Variants in TRIO observed in about 807,000 individuals in gnomAD.
The protein encoded by TRIO is trio Rho guanine nucleotide exchange factor, also known as triple functional domain protein.
In TRIO, 58 loss-of-function variants were observed where a neutral mutation model predicts 351.9. The observed-to-expected ratio is 0.16, with a 90% CI of 0.13 to 0.21. TRIO has a LOEUF of 0.21. Among genes scored for constraint, TRIO ranks in the 10% least tolerant of loss-of-function variants. The pLI is 1.00. For synonymous variants in TRIO, 1,758 were observed against 1,595.7 expected, an observed-to-expected ratio of 1.10 and a Z score of -2.42; for missense variants, 3,201 against 4,027.8, an observed-to-expected ratio of 0.79 and a Z score of 5.56.
intron 3 of TRIO, among the ~76,000 whole-genome samples, chr5:14,280,728 G>A (rs1488755210): frequency 2.0e-5 from 3 of 152,202 alleles, no homozygotes; most frequent in African/African-American, 7.2e-5. Context: ...CATTGTTGAT[G>A]ATTCTAATAC....
At chr5:14,331,018 A>G (rs1028655097) in intron 10 of TRIO, 118 bp downstream of exon 10, 4 of 1,448,598 alleles carry the variant, frequency 2.8e-6, no homozygotes, top group South Asian at 2.7e-5. Context: ...GACACCTCAG[A>G]TGAGGTAAAG....
chr5:14,385,765 A>G (rs767161516), intron 21 of TRIO, among the ~76,000 whole-genome samples: 7 of 152,214 alleles, frequency 4.6e-5, no homozygotes, highest in Non-Finnish European at 1.0e-4. Flanking sequence ...TTTAAAGTTC[A>G]TAGGTTAGCA....
chr5:14,494,716 T>C (rs1053623135), intron 49 of TRIO, among the ~76,000 whole-genome samples: 1 of 152,124 alleles, frequency 6.6e-6, no homozygotes, highest in African/African-American at 2.4e-5. Flanking sequence ...CTGACAAGTA[T>C]GGTGAAACCC....
At chr5:14,419,028 GGCCTAGGTGAGAGTGA>G (rs1749887454) in intron 33 of TRIO, among the ~76,000 whole-genome samples, 1 of 152,082 alleles carries the variant, frequency 6.6e-6, no homozygotes. Flanking sequence ...AGTTTCAGTA[GGCCTAGGTGAGAGTGA>G]GCATGGTAAA....
chr5:14,271,417 A>C (rs1051713581), intron 2 of TRIO, among the ~76,000 whole-genome samples: 6 of 152,190 alleles, frequency 3.9e-5, no homozygotes, highest in Non-Finnish European at 7.3e-5. Context: ...TGATTTTACC[A>C]GCTGAGTCTG....
At chr5:14,297,035 T>G in intron 6 of TRIO, 37 bp from the exon 7 acceptor site, 2 of 1,562,152 alleles carry the variant, frequency 1.3e-6, no homozygotes, top group Non-Finnish European at 1.7e-6. Context: ...CTATTTGCTC[T>G]CCCCTAAGGA....
At chr5:14,340,300 G>C (rs951608619) in intron 11 of TRIO, among the ~76,000 whole-genome samples, 2 of 151,934 alleles carry the variant, frequency 1.3e-5, no homozygotes, top group Admixed American at 1.3e-4. Context: ...GGGAGGCTGA[G>C]GCAGGAGAAT....
rs528968558 is a variant in TRIO at position 14,272,566 on chromosome 5, A to G, written c.232+1667A>G. 6.6e-5 allele frequency among the ~76,000 whole-genome samples: 10 copies of G among 152,352 alleles called. No homozygotes were observed. The South Asian group carries it at 2.1e-3, about 32-fold the overall frequency. ...TTTCAGAGTTTGTCTTAAATGTTTA[A>G]TAAATACTTAAATTCTGCAGGGTTA... On this transcript the variant is annotated intron_variant, in intron 2 of 56. Transcript: ENST00000344204.
In TRIO at chr5:14,397,151, G is replaced by A. The variant is rs774720729; in HGVS notation, c.4420G>A (p.Glu1474Lys). 3 of 1,602,592 alleles carry A rather than the reference G, an allele frequency of 1.9e-6. No homozygotes were observed. The highest frequency in any genetic ancestry group is 2.6e-6 in the Non-Finnish European group (3 of 1,175,390). The change falls in exon 29 of 57, where the codon GAA (glutamate) becomes AAA (lysine). Residue 1474 changes from glutamate (E) to lysine (K), a missense_variant. This residue lies in a region of TRIO where 115 missense variants were observed against 239.6 expected (regional missense o/e 0.48). Transcript: ENST00000344204. ...TGATGCCATGCACCTCAGCATGCTG[G>A]AAGGTAAAGGACCCTCCATACCCCA... ...ANDAMHLSMLEGFDENIESQG... is the reference protein window; with the variant it reads ...ANDAMHLSMLKGFDENIESQG...
chr5:14,416,126 CTT>C (rs1350158447), intron 33 of TRIO, among the ~76,000 whole-genome samples: 1 of 149,710 alleles, frequency 6.7e-6, no homozygotes, highest in Non-Finnish European at 1.5e-5. Flanking sequence ...AATGGTAACT[CTT>C]TCAACTGAGG....
intron 1 of TRIO, among the ~76,000 whole-genome samples, chr5:14,267,082 A>G (rs549307781): frequency 1.3e-5 from 2 of 152,354 alleles, no homozygotes; most frequent in South Asian, 2.1e-4. Context: ...TATGGGCTCT[A>G]TATAACTTAA....
intron 49 of TRIO, 145 bp from the exon 50 acceptor site, chr5:14,496,734 T>A: frequency 9.5e-7 from 1 of 1,050,908 alleles, no homozygotes; most frequent in Non-Finnish European, 1.3e-6. Context: ...GAACATTTTC[T>A]CTAACAGAGG....
intron 1 of TRIO, 87 bp downstream of exon 1, chr5:14,143,969 G>A (rs1787332227): frequency 1.0e-6 from 1 of 953,828 alleles, no homozygotes; most frequent in Non-Finnish European, 1.3e-6. Flanking sequence ...TCCGGCCACC[G>A]CGCGCTGGTG....
At chr5:14,502,810 G>A (rs564340172) in intron 54 of TRIO, among the ~76,000 whole-genome samples, 153 bp downstream of exon 54, 4 of 152,318 alleles carry the variant, frequency 2.6e-5, no homozygotes, top group Admixed American at 6.5e-5. Context: ...GCCTTTAGAC[G>A]CTAAACACTG....
intron 13 of TRIO, among the ~76,000 whole-genome samples, chr5:14,361,138 A>G (rs930760337): frequency 6.6e-6 from 1 of 152,166 alleles, no homozygotes; most frequent in African/African-American, 2.4e-5. Context: ...AACCAGAAGC[A>G]TTAGTTGCAG....
At chr5:14,287,973 A>C (rs1384026167) in intron 4 of TRIO, among the ~76,000 whole-genome samples, 1 of 152,186 alleles carries the variant, frequency 6.6e-6, no homozygotes, top group East Asian at 1.9e-4. Context: ...AAGTGTTTGC[A>C]CAGGTGTATT....
At chr5:14,332,894 C>A (rs112006082) in intron 10 of TRIO, among the ~76,000 whole-genome samples, 32 of 152,258 alleles carry the variant, frequency 2.1e-4, no homozygotes, top group Middle Eastern at 6.8e-3. Context: ...TAGAACAGTA[C>A]GATCATTCAG....
Position 14,487,358 on chromosome 5 carries a change from G to A in TRIO, c.6836-106G>A, listed in dbSNP as rs556988460. The A allele has an allele frequency of 1.5e-5, 16 of 1,060,464 alleles. No homozygotes were observed. In the African/African-American group the frequency reaches 2.2e-4, roughly 15 times the overall value. The allele number at this position is 1,060,464 out of a possible 1,614,324, so 65.7% of individuals were successfully genotyped here. A position where few individuals can be genotyped will look rare whatever the true frequency, so the allele number is the denominator to read the frequency against. ...GTGGGGTTGCTCTGCGCCCCTGCAC[G>A]GGGTCTGCCCCATGACCCATCCCAG... On this transcript the variant is annotated intron_variant, in intron 47 of 56. Coordinates refer to ENST00000344204, the MANE Select transcript of TRIO (RefSeq NM_007118.4).
At chr5:14,334,527 C>T (rs762154923) in intron 10 of TRIO, among the ~76,000 whole-genome samples, 2 of 152,232 alleles carry the variant, frequency 1.3e-5, no homozygotes, top group Admixed American at 1.3e-4. Context: ...TTGGGAGGCT[C>T]TGTCATCTTT....
Sources: allele counts gnomAD v4.1 joint callset (sites outside exome capture counted in the v4.1 genomes callset), GRCh38; gene constraint gnomAD v4.1.1; regional missense constraint gnomAD v4.1.1; transcripts MANE v1.5; gene names NCBI Gene and HGNC (gene_info 2026-07-23, HGNC 2026-07-21).